Variants in STK38L observed in about 807,000 individuals in gnomAD.
The protein encoded by STK38L is serine/threonine kinase 38 like.
STK38L carries 28 observed loss-of-function variants against 59.7 expected under a neutral mutation model. The ratio of observed to expected loss-of-function variants is 0.47; its 90% CI spans 0.35 to 0.64. The LOEUF is 0.64. STK38L is among the 30% of genes least tolerant of loss of function. The probability of loss-of-function intolerance (pLI) is 0.01; values close to 1 mark genes in which losing one functional copy is unlikely to be tolerated. For synonymous variants in STK38L, 162 were observed against 176.8 expected, an observed-to-expected ratio of 0.92 and a Z score of 0.66; for missense variants, 314 against 555.8, an observed-to-expected ratio of 0.56 and a Z score of 4.37.
chr12:27,276,103 T>C (rs932691448), intron 1 of STK38L, among the ~76,000 whole-genome samples: 3 of 152,116 alleles, frequency 2.0e-5, no homozygotes, highest in Non-Finnish European at 4.4e-5. Flanking sequence ...AACTTCATTA[T>C]GGAAAAATTT....
chr12:27,284,432 G>A (rs1943726155), intron 1 of STK38L, among the ~76,000 whole-genome samples: 1 of 152,196 alleles, frequency 6.6e-6, no homozygotes, highest in African/African-American at 2.4e-5. Flanking sequence ...AGATAAGATG[G>A]TCTGTATATC....
chr12:27,277,918 A>G (rs1943572575), intron 1 of STK38L, among the ~76,000 whole-genome samples: 1 of 152,224 alleles, frequency 6.6e-6, no homozygotes, highest in Non-Finnish European at 1.5e-5. Flanking sequence ...TAGGTCTTCC[A>G]AGTGGACTAG....
chr12:27,312,794 T>G, intron 6 of STK38L, 122 bp downstream of exon 6: 2 of 1,184,940 alleles, frequency 1.7e-6, no homozygotes, highest in Non-Finnish European at 2.3e-6. Context: ...AGTCACAGTT[T>G]AAAAATATTT....
At chr12:27,291,166 C>T (rs1387273430) in intron 1 of STK38L, among the ~76,000 whole-genome samples, 1 of 152,086 alleles carries the variant, frequency 6.6e-6, no homozygotes, top group Admixed American at 6.5e-5. Context: ...GTTAGGTTTT[C>T]ACTAAATTAA....
intron 6 of STK38L, 139 bp downstream of exon 6, chr12:27,312,811 A>C: frequency 1.0e-6 from 1 of 992,118 alleles, no homozygotes; most frequent in Non-Finnish European, 1.4e-6. Flanking sequence ...ATTTACTACC[A>C]TATTGATGCT....
rs34643896 is a variant in STK38L, at chr12:27,250,996, CAAA to C, written c.-12+6682_-12+6684del. ...CCTGGGTGACAGTGAGACTCTGTCT[CAAA>C]AAAAAAAAAAAAAAAAAGAAATTGC... On this transcript the variant is annotated intron_variant, in intron 1 of 13. Coordinates refer to ENST00000389032, the MANE Select transcript of STK38L (RefSeq NM_015000.4). Among the ~76,000 whole-genome samples, 165 of 104,950 alleles carry C rather than the reference CAAA, an allele frequency of 1.6e-3. 1 individual carries two copies. The highest frequency in any genetic ancestry group is 3.3e-3 in the African/African-American group (91 of 27,850). The allele number at this position is 104,950 out of a possible 152,430, so 68.9% of individuals were successfully genotyped here.
At chr12:27,244,543 G>A (rs1203954012) in intron 1 of STK38L, among the ~76,000 whole-genome samples, 1 of 152,234 alleles carries the variant, frequency 6.6e-6, no homozygotes, top group East Asian at 1.9e-4. Context: ...TGTGTCCAGA[G>A]AGGGAGCCTC....
intron 1 of STK38L, 116 bp downstream of exon 1, chr12:27,244,448 G>T (rs983626891): frequency 6.5e-6 from 1 of 152,868 alleles, no homozygotes; most frequent in Non-Finnish European, 1.5e-5. Flanking sequence ...GGGAAAGCCG[G>T]GCTAATTCTG....
chr12:27,284,694 T>C (rs1361701799), intron 1 of STK38L, among the ~76,000 whole-genome samples: 1 of 152,210 alleles, frequency 6.6e-6, no homozygotes, highest in Non-Finnish European at 1.5e-5. Flanking sequence ...TTTTCCCCTC[T>C]CCTAGATTTG....
Position 27,308,924 on chromosome 12 carries a change from A to ATG in STK38L, c.310-189_310-188insGT, listed in dbSNP as rs1259237971. Among the ~76,000 whole-genome samples, 9 of 145,938 alleles carry ATG rather than the reference A, an allele frequency of 6.2e-5. No individual in the cohort carries two copies. The South Asian group carries it at 6.3e-4, about 10-fold the overall frequency. On this transcript the variant is annotated intron_variant, in intron 4 of 13. Coordinates refer to ENST00000389032, the MANE Select transcript of STK38L (RefSeq NM_015000.4). This position sits in a 1 kb window ranked among gnomAD's most constrained non-coding sequence, Gnocchi z 4.5. ...AATATATATAAATATATATTAATAT[A>ATG]TATAAAATATATATAAATATATATA...
At chr12:27,278,351 G>A (rs1421553135) in intron 1 of STK38L, among the ~76,000 whole-genome samples, 2 of 152,204 alleles carry the variant, frequency 1.3e-5, no homozygotes, top group African/African-American at 4.8e-5. Context: ...AGCCCACACT[G>A]ATCTTCCCCT....
intron 1 of STK38L, among the ~76,000 whole-genome samples, chr12:27,259,918 GCAGC>G (rs773959761): frequency 2.7e-4 from 41 of 152,122 alleles, no homozygotes; most frequent in Non-Finnish European, 4.3e-4. Flanking sequence ...AGCTCTTTGT[GCAGC>G]CAGTCTTTTC....
At chr12:27,303,746 T>C (rs932607725) in intron 3 of STK38L, among the ~76,000 whole-genome samples, 2 of 152,154 alleles carry the variant, frequency 1.3e-5, no homozygotes, top group Non-Finnish European at 2.9e-5. Flanking sequence ...ATAATTGATT[T>C]GAATTGTAAA....
Position 27,315,286 on chromosome 12 carries a change from T to A in STK38L, c.776-3T>A. 1.2e-6 allele frequency: 2 copies of A among 1,613,396 alleles called. No individual in the cohort carries two copies. Among genetic ancestry groups the A allele is most frequent in the Non-Finnish European group, 1.7e-6 (2 of 1,179,512 alleles). On this transcript the variant is annotated splice_region_variant and splice_polypyrimidine_tract_variant and intron_variant, in intron 8 of 13. Transcript: ENST00000389032. ...GATTACAATTCCATATTGTTGAAAT[T>A]AGCATTTCAGAACATGAACTCAAAG... is the stretch of plus-strand genomic sequence containing the variant.
chr12:27,305,544 C>A (rs1944290371), intron 3 of STK38L, among the ~76,000 whole-genome samples: 1 of 152,126 alleles, frequency 6.6e-6, no homozygotes, highest in African/African-American at 2.4e-5. Flanking sequence ...GTTACAGCAT[C>A]TTTATATGGG....
chr12:27,293,401 A>G (rs371527639), intron 1 of STK38L, among the ~76,000 whole-genome samples: 2 of 152,320 alleles, frequency 1.3e-5, no homozygotes, highest in African/African-American at 4.8e-5. Context: ...CCCATTCAAC[A>G]TTTAAATTGA....
intron 1 of STK38L, among the ~76,000 whole-genome samples, chr12:27,258,893 T>C (rs917452342): frequency 2.0e-5 from 3 of 152,222 alleles, no homozygotes; most frequent in African/African-American, 7.2e-5. Context: ...CCAGTGAATA[T>C]TGCAGAACTT....
At chr12:27,294,809 C>CA (rs1490445948) in intron 1 of STK38L, among the ~76,000 whole-genome samples, 4 of 150,650 alleles carry the variant, frequency 2.7e-5, no homozygotes, top group Non-Finnish European at 5.9e-5. Flanking sequence ...AACAAGGGTT[C>CA]AAGCAGTCTT....
In STK38L at chr12:27,314,641, CT is replaced by C; in HGVS notation, c.659del (p.Leu220TyrfsTer8). ...CCATCGGGATATTAAGCCAGACAAC[CT>C]TTTATTGGATGCCAAGGCATGTGAA... Reference protein sequence around the residue: ...FIHRDIKPDNLLLDAKGHVKL... With the variant: ...FIHRDIKPDNXLLDAKGHVKL... On this transcript the variant is annotated frameshift_variant, in exon 7 of 14. Coordinates refer to ENST00000389032, the MANE Select transcript of STK38L (RefSeq NM_015000.4). LOFTEE classifies it high-confidence loss of function. 1.2e-6 allele frequency: 2 copies of C among 1,602,126 alleles called. No individual in the cohort carries two copies. The highest frequency in any genetic ancestry group is 1.1e-5 in the South Asian group (1 of 88,820).
Sources: gnomAD v4.1 joint callset for allele counts (sites outside exome capture counted in the v4.1 genomes callset) on GRCh38, gnomAD v4.1.1 for gene constraint, Gnocchi (gnomAD v3.1) non-coding constraint, MANE v1.5 for transcripts, NCBI Gene and HGNC (gene_info 2026-07-23, HGNC 2026-07-21) for gene names.